EEFSEC: variants seen among roughly 807,000 people sequenced by gnomAD.
The protein encoded by EEFSEC is eukaryotic elongation factor, selenocysteine-tRNA specific.
EEFSEC carries 43 observed loss-of-function variants against 42.1 expected under a neutral mutation model. The observed-to-expected ratio is 1.02, with a 90% CI of 0.80 to 1.32. EEFSEC has a LOEUF of 1.32. EEFSEC is among the 40% of genes most tolerant of loss of function. The pLI is 0.00. For synonymous variants in EEFSEC, 354 were observed against 339.1 expected (o/e 1.04, Z -0.48); for missense variants, 745 against 803.6 (o/e 0.93, Z 0.88).
intron 1 of EEFSEC, among the ~76,000 whole-genome samples, chr3:128,192,955 A>G (rs1032391477): frequency 7.2e-5 from 11 of 152,166 alleles, no homozygotes; most frequent in Admixed American, 2.6e-4. Context: ...ACTGGTAGAA[A>G]AGAGCCTGGG....
intron 4 of EEFSEC, among the ~76,000 whole-genome samples, chr3:128,306,133 C>G (rs1040056440): frequency 1.3e-5 from 2 of 152,068 alleles, no homozygotes; most frequent in Non-Finnish European, 2.9e-5. Flanking sequence ...TGGTCTGTGT[C>G]ATGTCAGCTG....
chr3:128,392,518 T>C (rs1249765629), intron 6 of EEFSEC, among the ~76,000 whole-genome samples: 1 of 152,224 alleles, frequency 6.6e-6, no homozygotes, highest in East Asian at 1.9e-4. Flanking sequence ...ACCTGTATTC[T>C]GGACAGGATC....
chr3:128,410,826 G>T (rs1344722556), downstream of EEFSEC, among the ~76,000 whole-genome samples: 1 of 152,146 alleles, frequency 6.6e-6, no homozygotes, highest in East Asian at 1.9e-4. Flanking sequence ...ACTCTGTGCA[G>T]GCGTCCACCT....
intron 5 of EEFSEC, among the ~76,000 whole-genome samples, chr3:128,349,514 G>A (rs2067357456): frequency 6.6e-6 from 1 of 152,170 alleles, no homozygotes; most frequent in East Asian, 1.9e-4. Flanking sequence ...AGGAGGTGAG[G>A]GTCTGGTGCT....
chr3:128,252,615 G>A (rs550253585), intron 2 of EEFSEC, among the ~76,000 whole-genome samples: 27 of 152,016 alleles, frequency 1.8e-4, no homozygotes, highest in African/African-American at 6.3e-4. Context: ...AATAAATGTT[G>A]GCTGTTTTGA....
intron 1 of EEFSEC, among the ~76,000 whole-genome samples, chr3:128,230,804 AC>A (rs986784668): frequency 7.2e-5 from 11 of 152,112 alleles, no homozygotes; most frequent in Non-Finnish European, 1.2e-4. Context: ...CTGTCTCCCC[AC>A]ACACCTTGCC....
intron 6 of EEFSEC, among the ~76,000 whole-genome samples, chr3:128,368,710 G>A (rs894801915): frequency 6.6e-5 from 10 of 152,210 alleles, no homozygotes; most frequent in Non-Finnish European, 1.5e-4. Context: ...TGATAAAATG[G>A]GGGTAACAAT....
At chr3:128,255,427 A>G (rs1013518622) in intron 2 of EEFSEC, among the ~76,000 whole-genome samples, 2 of 152,182 alleles carry the variant, frequency 1.3e-5, no homozygotes, top group African/African-American at 4.8e-5. Context: ...CTTGACCTTC[A>G]GGAACTTCTT....
chr3:128,279,929 G>A (rs1030833382), intron 4 of EEFSEC, among the ~76,000 whole-genome samples: 3 of 152,178 alleles, frequency 2.0e-5, no homozygotes, highest in South Asian at 2.1e-4. Context: ...AGTGTCCAGC[G>A]GTGGGTCTGG....
intron 1 of EEFSEC, among the ~76,000 whole-genome samples, chr3:128,232,966 C>T (rs987683499): frequency 5.9e-5 from 9 of 152,212 alleles, no homozygotes; most frequent in Non-Finnish European, 1.3e-4. Flanking sequence ...CTGACTCTGC[C>T]TCTTGTCCTC....
intron 1 of EEFSEC, among the ~76,000 whole-genome samples, chr3:128,177,682 T>G (rs572630819): frequency 6.6e-6 from 1 of 152,062 alleles, no homozygotes; most frequent in African/African-American, 2.4e-5. Context: ...CCAAAGAATC[T>G]CCCCCCGTTC....
At chr3:128,254,736 G>A (rs2066224213) in intron 2 of EEFSEC, among the ~76,000 whole-genome samples, 1 of 152,110 alleles carries the variant, frequency 6.6e-6, no homozygotes, top group Non-Finnish European at 1.5e-5. Flanking sequence ...GTACCACCCT[G>A]GGCCAGGACT....
At chr3:128,239,360 T>C (rs2066046327) in intron 1 of EEFSEC, among the ~76,000 whole-genome samples, 1 of 152,198 alleles carries the variant, frequency 6.6e-6, no homozygotes, top group Non-Finnish European at 1.5e-5. Context: ...GCAGCTTGCA[T>C]TTAGTGAGTC....
intron 4 of EEFSEC, among the ~76,000 whole-genome samples, chr3:128,322,887 C>G (rs2067023396): frequency 6.6e-6 from 1 of 152,176 alleles, no homozygotes; most frequent in Non-Finnish European, 1.5e-5. Context: ...TGACTGACAT[C>G]CAGCTGTCAC....
intron 1 of EEFSEC, among the ~76,000 whole-genome samples, chr3:128,229,019 C>T (rs1553744717): frequency 6.6e-6 from 1 of 152,200 alleles, no homozygotes; most frequent in Non-Finnish European, 1.5e-5. Flanking sequence ...TATTCCTGGG[C>T]TTTCTACCTC....
downstream of EEFSEC, among the ~76,000 whole-genome samples, chr3:128,413,332 C>T (rs12054470): frequency 2.0e-5 from 3 of 152,152 alleles, no homozygotes; most frequent in Admixed American, 2.0e-4. Context: ...TGCCACTGTG[C>T]TGGGGCACCA....
chr3:128,153,731 C>G lies in EEFSEC; in HGVS notation c.224C>G (p.Pro75Arg). 2.6e-6 allele frequency: 4 copies of G among 1,552,874 alleles called. No homozygotes were observed. The highest frequency in any genetic ancestry group is 3.5e-6 in the Non-Finnish European group (4 of 1,159,152). ...TCTTTGCCCGAGTTCCAGGCAGCGC[C>G]CGAGGCCGAGCCCGAGCCCGGCGAG... ...RSSLPEFQAAPEAEPEPGEPL... is the reference protein window; with the variant it reads ...RSSLPEFQAAREAEPEPGEPL... Residue 75 changes from proline (P) to arginine (R), a missense_variant, in exon 1 of 7, where the codon CCC (proline) becomes CGC (arginine). Transcript: ENST00000254730.
At chr3:128,154,905 A>G (rs1944346873) in intron 1 of EEFSEC, among the ~76,000 whole-genome samples, 1 of 152,206 alleles carries the variant, frequency 6.6e-6, no homozygotes, top group Non-Finnish European at 1.5e-5. Context: ...GGCAAGGGGC[A>G]TGTGTGTTTT....
intron 6 of EEFSEC, among the ~76,000 whole-genome samples, chr3:128,362,822 G>A (rs935155005): frequency 1.8e-4 from 27 of 152,190 alleles, no homozygotes; most frequent in Admixed American, 1.5e-3. Flanking sequence ...TGCTGCTCAC[G>A]TGCCGGGAGC....
Sources: gnomAD v4.1 joint callset for allele counts (sites outside exome capture counted in the v4.1 genomes callset) on GRCh38, gnomAD v4.1.1 for gene constraint, MANE v1.5 for transcripts, NCBI Gene and HGNC (gene_info 2026-07-23, HGNC 2026-07-21) for gene names.